Variants in NOS1 observed in about 807,000 individuals in gnomAD.
The protein encoded by NOS1 is NOS type I.
Under a neutral mutation model 164.5 loss-of-function variants are expected in NOS1, and 51 were observed. That is an observed-to-expected ratio of 0.31 (90% CI 0.25 to 0.39). The LOEUF is 0.39. Ranked by LOEUF, NOS1 falls within the 10% of genes least tolerant of loss-of-function variation. The probability of loss-of-function intolerance (pLI) is 1.00; values close to 1 mark genes in which losing one functional copy is unlikely to be tolerated. For missense variants in NOS1, 1,362 were observed against 1,885.6 expected, an observed-to-expected ratio of 0.72 and a Z score of 5.14; for synonymous variants, 719 against 745.8, an observed-to-expected ratio of 0.96 and a Z score of 0.59.
At chr12:117,297,439 T>A (rs1873494459) in intron 3 of NOS1, among the ~76,000 whole-genome samples, 1 of 151,948 alleles carries the variant, frequency 6.6e-6, no homozygotes, top group Non-Finnish European at 1.5e-5. Context: ...TTGCCCAGGC[T>A]GGAGTGCAAT....
At chr12:117,325,746 C>T (rs968001789) in intron 2 of NOS1, among the ~76,000 whole-genome samples, 3 of 152,206 alleles carry the variant, frequency 2.0e-5, no homozygotes, top group African/African-American at 7.2e-5. Flanking sequence ...CAAGGCGACG[C>T]TGCTCATGGC....
At chr12:117,290,176 CA>C (rs1165840790) in intron 4 of NOS1, 121 bp downstream of exon 4, 3 of 1,206,124 alleles carry the variant, frequency 2.5e-6, no homozygotes, top group East Asian at 2.6e-5. Context: ...GGGTATGGGT[CA>C]GGGGTGGTGC....
chr12:117,306,264 C>T (rs964528561), intron 3 of NOS1, among the ~76,000 whole-genome samples: 1 of 152,128 alleles, frequency 6.6e-6, no homozygotes, highest in South Asian at 2.1e-4. Context: ...AGTCTTACCC[C>T]CTTTCTCCAG....
intron 15 of NOS1, 34 bp downstream of exon 15, chr12:117,258,992 A>G: frequency 6.7e-7 from 1 of 1,500,850 alleles, no homozygotes; most frequent in African/African-American, 1.4e-5. Flanking sequence ...TGATGATGGA[A>G]CCACACTCTT....
chr12:117,255,214 C>T (rs1206058049), intron 16 of NOS1, among the ~76,000 whole-genome samples: 3 of 152,062 alleles, frequency 2.0e-5, no homozygotes, highest in Non-Finnish European at 4.4e-5. Context: ...AATCCAATTT[C>T]TCCGTTTTCC....
At chr12:117,271,192 G>A (rs1004294851) in intron 10 of NOS1, among the ~76,000 whole-genome samples, 2 of 152,060 alleles carry the variant, frequency 1.3e-5, no homozygotes, top group African/African-American at 4.8e-5. Context: ...ATGGGATCCA[G>A]GCATCACGAA....
intron 2 of NOS1, among the ~76,000 whole-genome samples, chr12:117,324,355 G>C (rs1005598432): frequency 6.6e-6 from 1 of 152,168 alleles, no homozygotes; most frequent in East Asian, 1.9e-4. Flanking sequence ...ACACTGGATC[G>C]GGGACCTTGG....
intron 20 of NOS1, among the ~76,000 whole-genome samples, chr12:117,240,043 G>A (rs996205233): frequency 6.6e-6 from 1 of 152,144 alleles, no homozygotes; most frequent in Non-Finnish European, 1.5e-5. Flanking sequence ...TACTACTTAT[G>A]TACTATGGCT....
chr12:117,278,113 G>C lies in NOS1; in HGVS notation c.1525-15C>G. ...TGTATGCATATCTGCAAGCAGACCC[G>C]GCCAGGTAATGCCACTGTACCCCAC... On this transcript the variant is annotated splice_polypyrimidine_tract_variant and intron_variant, in intron 8 of 28. Coordinates refer to ENST00000317775, the MANE Select transcript of NOS1 (RefSeq NM_000620.5). The C allele has an allele frequency of 6.2e-7, 1 of 1,606,072 alleles. No individual in the cohort carries two copies. Among genetic ancestry groups the C allele is most frequent in the African/African-American group, 1.3e-5 (1 of 74,884 alleles).
chr12:117,234,591 A>C lies in NOS1; in HGVS notation c.3209T>G (p.Leu1070Arg). 6.2e-7 allele frequency: 1 copy of C among 1,613,972 alleles called. No homozygotes were observed. Residue 1070 changes from leucine to arginine, a missense_variant, in exon 21 of 29, where the codon CTG becomes CGG. Transcript: ENST00000317775. This position sits in a 1 kb window ranked among gnomAD's most constrained non-coding sequence, Gnocchi z 4.3. ...TAAAGCCGTGTTCCGCTCCTCCAGCAGTTCCACTTTCACCATCTGGTTGAC... is the reference window on the plus strand; with the variant it reads ...TAAAGCCGTGTTCCGCTCCTCCAGCCGTTCCACTTTCACCATCTGGTTGAC... ...PPVNQMVKVELLEERNTALGV... is the reference protein window; with the variant it reads ...PPVNQMVKVERLEERNTALGV...
chr12:117,359,595 C>G (rs1158144533), intron 1 of NOS1, among the ~76,000 whole-genome samples: 2 of 152,150 alleles, frequency 1.3e-5, no homozygotes, highest in South Asian at 4.1e-4. Context: ...TCGCCTGCAC[C>G]GCACCCTTGC....
chr12:117,220,649 G>A (rs964380255), intron 26 of NOS1, among the ~76,000 whole-genome samples: 1 of 152,152 alleles, frequency 6.6e-6, no homozygotes, highest in Non-Finnish European at 1.5e-5. Context: ...CACATTTCCA[G>A]GTGTGCAGCT....
chr12:117,254,117 T>A (rs1454705127), intron 16 of NOS1, among the ~76,000 whole-genome samples: 1 of 152,030 alleles, frequency 6.6e-6, no homozygotes, highest in Non-Finnish European at 1.5e-5. Context: ...AAAAAAAAAT[T>A]TTTTTTTGAG....
Position 117,332,570 on chromosome 12 carries a change from A to T in NOS1, c.-420-1081T>A, listed in dbSNP as rs554478202. On this transcript the variant is annotated intron_variant, in intron 1 of 28. Transcript: ENST00000317775. ...AGCAAGACCCTTTCTCTATTTATTT[A>T]AAAAAAAAATCAGGCCGGTCACAGT... is the stretch of plus-strand genomic sequence containing the variant. 3.0e-3 allele frequency among the ~76,000 whole-genome samples: 436 copies of T among 145,588 alleles called. 1 individual carries two copies. The highest frequency in any genetic ancestry group is 0.024 in the Middle Eastern group (7 of 286).
At position 117,280,833 on chromosome 12, in the gene NOS1, G is replaced by A. The variant is rs767679892; in HGVS notation, c.1416C>T (p.Asp472=). 1.1e-5 allele frequency: 17 copies of A among 1,614,018 alleles called. No individual in the cohort carries two copies. Among genetic ancestry groups the A allele is most frequent in the African/African-American group, 6.7e-5 (5 of 74,936 alleles). ...SAITIFPQRT[D]GKHDFRVWNS... ...TCCAGACTCGGAAGTCGTGCTTGCC[G>A]TCTGTCCTCTGGGGGAATATGGTGA... Residue 472 remains aspartate, a synonymous_variant, in exon 8 of 29, where the codon GAC becomes GAT. Transcript: ENST00000317775.
chr12:117,333,188 A>G (rs1426175283), intron 1 of NOS1, among the ~76,000 whole-genome samples: 1 of 152,174 alleles, frequency 6.6e-6, no homozygotes, highest in African/African-American at 2.4e-5. Context: ...TGCAAGTTCA[A>G]AAAGATAGGT....
chr12:117,328,581 C>T (rs1210340473), intron 2 of NOS1, among the ~76,000 whole-genome samples: 3 of 151,366 alleles, frequency 2.0e-5, no homozygotes, highest in South Asian at 2.1e-4. Context: ...TTTTTTGAGA[C>T]GCAGTCTTGC....
chr12:117,349,941 T>C (rs1036609254), intron 1 of NOS1, among the ~76,000 whole-genome samples: 6 of 152,118 alleles, frequency 3.9e-5, no homozygotes, highest in African/African-American at 1.2e-4. Context: ...CTTAGGCTGG[T>C]CTTGAACTCC....
chr12:117,287,580 A>G (rs1872794040), intron 5 of NOS1, among the ~76,000 whole-genome samples: 2 of 152,200 alleles, frequency 1.3e-5, no homozygotes, highest in South Asian at 4.2e-4. Context: ...CTAGGATTAT[A>G]GGTGTGCACC....
Sources: allele counts gnomAD v4.1 joint callset (sites outside exome capture counted in the v4.1 genomes callset), GRCh38; gene constraint gnomAD v4.1.1; non-coding constraint Gnocchi (gnomAD v3.1); transcripts MANE v1.5; gene names NCBI Gene and HGNC (gene_info 2026-07-23, HGNC 2026-07-21).